Variants in DHODH observed in about 807,000 individuals in gnomAD.
The protein encoded by DHODH is dihydroorotate dehydrogenase (quinone), also known as dihydroorotate dehydrogenase (quinone), mitochondrial.
Under a neutral mutation model 39.7 loss-of-function variants are expected in DHODH, and 30 were observed. The observed-to-expected ratio is 0.76, with a 90% CI of 0.57 to 1.02. DHODH has a LOEUF of 1.02. Among genes scored for constraint, DHODH ranks in the 50% least tolerant of loss-of-function variants. The pLI, the probability that DHODH is intolerant of heterozygous loss-of-function variation, is 0.00. For missense variants in DHODH, 531 were observed against 520.8 expected, an observed-to-expected ratio of 1.02 and a Z score of -0.19; for synonymous variants, 222 against 213.8, an observed-to-expected ratio of 1.04 and a Z score of -0.34.
chr16:72,016,026 G>C (rs2041138079), intron 3 of DHODH: 3 of 324,696 alleles, frequency 9.2e-6, no homozygotes, highest in Non-Finnish European at 4.4e-6. Context: ...GGCAGGTCCA[G>C]GGTTGGTTGA....
intron 5 of DHODH, among the ~76,000 whole-genome samples, chr16:72,021,527 A>G (rs1448953728): frequency 6.6e-6 from 1 of 152,232 alleles, no homozygotes; most frequent in Non-Finnish European, 1.5e-5. Flanking sequence ...CCCTGCTGCT[A>G]TAAATCACGG....
intron 2 of DHODH, chr16:72,013,568 C>A (rs2041108015): frequency 6.6e-6 from 1 of 152,214 alleles, no homozygotes; most frequent in Non-Finnish European, 1.5e-5. Flanking sequence ...GGCTCTCCAC[C>A]CTTCACCTAT....
chr16:72,008,874 A>G, intron 1 of DHODH, 89 bp downstream of exon 1: 1 of 1,550,110 alleles, frequency 6.5e-7, no homozygotes, highest in Non-Finnish European at 8.7e-7. Flanking sequence ...GCATGGACCG[A>G]AGGCGGCTCC....
chr16:72,020,325 ATGTG>A (rs1395807178), intron 4 of DHODH: 1 of 99,980 alleles, frequency 1.0e-5, no homozygotes, highest in East Asian at 2.8e-4. Flanking sequence ...GTATATGTAT[ATGTG>A]TATATATATA....
chr16:72,018,882 C>G (rs1272166696), intron 4 of DHODH, among the ~76,000 whole-genome samples: 1 of 152,218 alleles, frequency 6.6e-6, no homozygotes, highest in Non-Finnish European at 1.5e-5. Flanking sequence ...GAAAAGAATT[C>G]AAGCTTACAG....
chr16:72,012,395 G>A (rs1418079030), intron 2 of DHODH, 133 bp downstream of exon 2: 1 of 754,148 alleles, frequency 1.3e-6, no homozygotes, highest in East Asian at 2.7e-5. Flanking sequence ...TTCAGTCTGA[G>A]CATTATTATT....
chr16:72,014,406 G>C, intron 2 of DHODH, 67 bp from the exon 3 acceptor site: 1 of 1,483,990 alleles, frequency 6.7e-7, no homozygotes, highest in Non-Finnish European at 9.4e-7. Flanking sequence ...AGCTGTGCCA[G>C]GAACCATGCT....
At chr16:72,010,737 T>C (rs1178736936) in intron 1 of DHODH, among the ~76,000 whole-genome samples, 4 of 152,208 alleles carry the variant, frequency 2.6e-5, no homozygotes, top group Non-Finnish European at 4.4e-5. Context: ...TGTCTTTGTA[T>C]GTATACATTT....
chr16:72,014,395 T>C, intron 2 of DHODH, 78 bp from the exon 3 acceptor site: 2 of 1,394,870 alleles, frequency 1.4e-6, no homozygotes, highest in Non-Finnish European at 2.0e-6. Context: ...CATTCTGATG[T>C]AGCTGTGCCA....
Position 72,026,763 on chromosome 16 carries a change from T to G in DHODH, c.*2564T>G, listed in dbSNP as rs1567575899. ...GGAGTTGTCTTGCATTCAGGGGCCA[T>G]GTGGTGTGCGGATACCTATTTTTCT... On this transcript the variant is annotated 3_prime_UTR_variant, in exon 9 of 9. Transcript: ENST00000219240. 1 of 152,094 alleles carries G rather than the reference T, an allele frequency of 6.6e-6. No homozygotes were observed. The highest frequency in any genetic ancestry group is 1.9e-4 in the East Asian group (1 of 5,158). The allele number at this position is 152,094 out of a possible 1,614,324, so 9.4% of individuals were successfully genotyped here. A position where few individuals can be genotyped will look rare whatever the true frequency, so the allele number is the denominator to read the frequency against.
At chr16:72,015,883 G>A in intron 3 of DHODH, 1 of 985,074 alleles carries the variant, frequency 1.0e-6, no homozygotes, top group Middle Eastern at 5.2e-4. Context: ...AACACTTAAT[G>A]AATGGGTGAA....
chr16:72,018,127 C>G (rs754059787), intron 4 of DHODH, among the ~76,000 whole-genome samples: 5 of 152,174 alleles, frequency 3.3e-5, no homozygotes, highest in African/African-American at 4.8e-5. Flanking sequence ...TCTGTGGCCT[C>G]TGCCTCACTT....
At chr16:72,016,633 TG>T (rs2143981479) in intron 3 of DHODH, 1 of 340,222 alleles carries the variant, frequency 2.9e-6, no homozygotes, top group African/African-American at 2.1e-5. Context: ...GGAAGAGAGG[TG>T]ATTTTCAGAC....
intron 5 of DHODH, 84 bp from the exon 6 acceptor site, chr16:72,022,278 C>G (rs2041227023): frequency 2.0e-6 from 2 of 984,706 alleles, no homozygotes; most frequent in Admixed American, 4.0e-5. Context: ...ATTGTGGAAA[C>G]CCACTGACCT....
Position 72,021,227 on chromosome 16 carries a change from C to T in DHODH, c.621C>T (p.Tyr207=). 2 of 1,612,896 alleles carry T rather than the reference C, an allele frequency of 1.2e-6. No homozygotes were observed. Among genetic ancestry groups the T allele is most frequent in the Non-Finnish European group, 1.7e-6 (2 of 1,179,648 alleles). ...GVRVLGPLAD[Y]LVVNVSSPNT... ...GCGTACTGGGCCCCCTGGCCGACTA[C>T]CTGGTGGTGAATGTGTCCAGCCCCA... is the stretch of plus-strand genomic sequence containing the variant. The change falls in exon 5 of 9, where the codon TAC becomes TAT. Residue 207 remains tyrosine (Y), a synonymous_variant. Transcript: ENST00000219240.
intron 3 of DHODH, chr16:72,016,661 T>C (rs1165129488): frequency 2.8e-6 from 1 of 356,118 alleles, no homozygotes; most frequent in Admixed American, 3.8e-5. Context: ...CCTAGAGAGA[T>C]GGAGTGGCTG....
chr16:72,009,180 A>T, intron 1 of DHODH: 1 of 1,084,900 alleles, frequency 9.2e-7, no homozygotes, highest in Non-Finnish European at 1.1e-6. Context: ...GGTCTCTGTG[A>T]AAAGTTCTTA....
At chr16:72,016,655 G>C in intron 3 of DHODH, 1 of 356,532 alleles carries the variant, frequency 2.8e-6, no homozygotes, top group Non-Finnish European at 5.5e-6. Flanking sequence ...AGAAAGCCTA[G>C]AGAGATGGAG....
At chr16:72,014,750 G>T (rs2041122517) in intron 3 of DHODH, 78 bp downstream of exon 3, 2 of 1,402,174 alleles carry the variant, frequency 1.4e-6, no homozygotes, top group Non-Finnish European at 1.0e-6. Flanking sequence ...ATCTGCCTCT[G>T]TTTTTTTTCT....
Sources: allele counts gnomAD v4.1 joint callset (sites outside exome capture counted in the v4.1 genomes callset), GRCh38; gene constraint gnomAD v4.1.1; transcripts MANE v1.5; gene names NCBI Gene and HGNC (gene_info 2026-07-23, HGNC 2026-07-21).